The following CDKN2B variants were observed in gnomAD, a reference collection of about 807,000 sequenced individuals.
CDKN2B encodes the protein cyclin-dependent kinase 4 inhibitor B.
Under a neutral mutation model 7.7 loss-of-function variants are expected in CDKN2B, and 8 were observed. The observed-to-expected ratio is 1.04, with a 90% CI of 0.61 to 1.87. The LOEUF (loss-of-function observed/expected upper bound fraction) is 1.87. Among genes scored for constraint, CDKN2B ranks in the 40% most tolerant of loss-of-function variants. The probability of loss-of-function intolerance (pLI) is 0.00; values close to 1 mark genes in which losing one functional copy is unlikely to be tolerated. For synonymous variants in CDKN2B, 93 were observed against 95.8 expected, an observed-to-expected ratio of 0.97 and a Z score of 0.17; for missense variants, 244 against 213.1, an observed-to-expected ratio of 1.15 and a Z score of -0.90.
In CDKN2B at chr9:22,003,566, C is replaced by G. The variant is rs1587375317; in HGVS notation, c.*2421G>C. 1 of 229,162 alleles carries G rather than the reference C, an allele frequency of 4.4e-6. No individual in the cohort carries two copies. The highest frequency in any genetic ancestry group is 6.3e-5 in the East Asian group (1 of 15,852). The allele number at this position is 229,162 out of a possible 1,614,324, so 14.2% of individuals were successfully genotyped here. On this transcript the variant is annotated 3_prime_UTR_variant, in exon 2 of 2. Transcript: ENST00000276925. ...GAGATTTTAAAGTATCAACTGACTT[C>G]TTTTATATAGAATGTTTTCTAATAA...
rs564227803 is a variant in CDKN2B at position 22,002,987 on chromosome 9, A to G, written c.*3000T>C. 2.2e-4 allele frequency: 45 copies of G among 200,650 alleles called. No individual in the cohort carries two copies. The highest frequency in any genetic ancestry group is 6.6e-4 in the Admixed American group (11 of 16,636). 12.4% of individuals were successfully genotyped at this position (200,650 alleles called of 1,614,324 possible). A position where few individuals can be genotyped will look rare whatever the true frequency, so the allele number is the denominator to read the frequency against. On this transcript the variant is annotated 3_prime_UTR_variant, in exon 2 of 2. Coordinates refer to ENST00000276925, the MANE Select transcript of CDKN2B (RefSeq NM_004936.4). ...AGTAGAATTTGTACAAACCTTGGTA[A>G]TGTCTTAGGTTTAGATACGAACTTA...
intron 1 of CDKN2B, 169 bp downstream of exon 1, chr9:22,008,629 A>G (rs1379301504): frequency 6.3e-7 from 1 of 1,581,326 alleles, no homozygotes; most frequent in Admixed American, 1.7e-5. Context: ...GTCTCTCTTT[A>G]GGATTTTTGC....
Position 22,004,679 on chromosome 9 carries a change from G to A in CDKN2B, c.*1308C>T. The A allele has an allele frequency of 4.3e-6, 1 of 232,820 alleles. No homozygotes were observed. The allele number at this position is 232,820 out of a possible 1,614,324, so 14.4% of individuals were successfully genotyped here. On this transcript the variant is annotated 3_prime_UTR_variant, in exon 2 of 2. Coordinates refer to ENST00000276925, the MANE Select transcript of CDKN2B (RefSeq NM_004936.4). Reference sequence around the variant, plus strand: ...AAGCAGTGCACCTTTAGTTTGTTCAGTGATAGTAGGACATCCCACGAGCCA... The same window carrying A: ...AAGCAGTGCACCTTTAGTTTGTTCAATGATAGTAGGACATCCCACGAGCCA...
chr9:22,006,081 A>G lies in CDKN2B; in HGVS notation c.323T>C (p.Val108Ala). 8 of 1,607,384 alleles carry G rather than the reference A, an allele frequency of 5.0e-6. No homozygotes were observed. The highest frequency in any genetic ancestry group is 6.8e-6 in the Non-Finnish European group (8 of 1,179,672). Residue 108 changes from valine (V) to alanine (A), a missense_variant, in exon 2 of 2, where the codon GTG becomes GCG. Coordinates refer to ENST00000276925, the MANE Select transcript of CDKN2B (RefSeq NM_004936.4). This position sits in a 1 kb window ranked among gnomAD's most constrained non-coding sequence, Gnocchi z 6.4. ...VLHRAGARLD[V>A]RDAWGRLPVD... ...GGGCAGACGACCCCAGGCATCGCGC[A>G]CGTCCAGCCGCGCCCCGGCCCGGTG...
chr9:22,009,151 C>T lies in CDKN2B; in HGVS notation c.-198G>A, dbSNP rs1821358923. Reference sequence around the variant, plus strand: ...TGGCCGAGCGGCCGGTCGTTAGCTCCGGGCTTTTCCTGGCGCTCAAGAACC... The same window carrying T: ...TGGCCGAGCGGCCGGTCGTTAGCTCTGGGCTTTTCCTGGCGCTCAAGAACC... On this transcript the variant is annotated 5_prime_UTR_variant, in exon 1 of 2. Coordinates refer to ENST00000276925, the MANE Select transcript of CDKN2B (RefSeq NM_004936.4). 5 of 708,726 alleles carry T rather than the reference C, an allele frequency of 7.1e-6. No individual in the cohort carries two copies. Among genetic ancestry groups the T allele is most frequent in the Admixed American group, 2.8e-5 (1 of 35,614 alleles). The allele number at this position is 708,726 out of a possible 1,614,324, so 43.9% of individuals were successfully genotyped here.
intron 1 of CDKN2B, chr9:22,008,542 T>C (rs900507742): frequency 6.4e-5 from 57 of 889,838 alleles, no homozygotes; most frequent in Non-Finnish European, 1.3e-5. Flanking sequence ...CCCAATTCAG[T>C]CTATTCCTTG....
rs3217981 is a variant in CDKN2B, at chr9:22,006,270, C to T, written c.157-23G>A. ...GACCTGCCAGAGAGAGCAGAGTGGT[C>T]AGAGCCAGGGTGGGGGCAGGTATGG... is the stretch of plus-strand genomic sequence containing the variant. On this transcript the variant is annotated intron_variant, in intron 1 of 1. Coordinates refer to ENST00000276925, the MANE Select transcript of CDKN2B (RefSeq NM_004936.4). This position sits in a 1 kb window ranked among gnomAD's most constrained non-coding sequence, Gnocchi z 6.4. 217 of 1,601,358 alleles carry T rather than the reference C, an allele frequency of 1.4e-4. 4 individuals carry two copies. In the East Asian group the frequency reaches 4.8e-3, roughly 36 times the overall value.
In CDKN2B at chr9:22,004,058, C is replaced by T. The variant is rs1049616485; in HGVS notation, c.*1929G>A. On this transcript the variant is annotated 3_prime_UTR_variant, in exon 2 of 2. Coordinates refer to ENST00000276925, the MANE Select transcript of CDKN2B (RefSeq NM_004936.4). ...CAAGTTACTTGATATTTCTTTGCCT[C>T]ATTGTCCTCATCTGGGAAACAATAC... 4 of 232,456 alleles carry T rather than the reference C, an allele frequency of 1.7e-5. No individual in the cohort carries two copies. The highest frequency in any genetic ancestry group is 3.4e-5 in the Non-Finnish European group (4 of 117,678). 14.4% of individuals were successfully genotyped at this position (232,456 alleles called of 1,614,324 possible).
rs908758651 is a variant in CDKN2B at position 22,005,474 on chromosome 9, C to T, written c.*513G>A. The T allele has an allele frequency of 1.5e-5, 4 of 258,106 alleles. No homozygotes were observed. The highest frequency in any genetic ancestry group is 8.8e-5 in the African/African-American group (4 of 45,616). The allele number at this position is 258,106 out of a possible 1,614,324, so 16.0% of individuals were successfully genotyped here. A position where few individuals can be genotyped will look rare whatever the true frequency, so the allele number is the denominator to read the frequency against. ...ACTGAAGCCCACCTCGGCCCTCCTC[C>T]ACTTTGTCCTCAGTCTTCAGGTTTT... On this transcript the variant is annotated 3_prime_UTR_variant, in exon 2 of 2. Coordinates refer to ENST00000276925, the MANE Select transcript of CDKN2B (RefSeq NM_004936.4). The surrounding 1 kb of genome is among the most constrained non-coding windows in gnomAD (Gnocchi z 4.9).
At chr9:22,007,845 T>G (rs1294250985) in intron 1 of CDKN2B, among the ~76,000 whole-genome samples, 1 of 152,202 alleles carries the variant, frequency 6.6e-6, no homozygotes, top group Non-Finnish European at 1.5e-5. Flanking sequence ...ACAATATTTT[T>G]GCTCCTTTAA....
intron 1 of CDKN2B, among the ~76,000 whole-genome samples, chr9:22,007,448 G>A (rs1267073231): frequency 6.6e-6 from 1 of 152,176 alleles, no homozygotes; most frequent in Non-Finnish European, 1.5e-5. Flanking sequence ...ATGATGTTTT[G>A]CAGGAGTAAT....
Position 22,008,862 on chromosome 9 carries a change from C to T in CDKN2B, c.92G>A (p.Arg31Gln), listed in dbSNP as rs1422056865. ...AAARGLVEKVRQLLEAGADPN... is the reference protein window; with the variant it reads ...AAARGLVEKVQQLLEAGADPN... ...ATCCGCGCCGGCTTCCAGGAGCTGT[C>T]GCACCTTCTCCACTAGTCCCCGCGC... Residue 31 changes from arginine (R) to glutamine (Q), a missense_variant, in exon 1 of 2, where the codon CGA (arginine) becomes CAA (glutamine). By Grantham distance (43) the Arg-to-Gln change is conservative. Coordinates refer to ENST00000276925, the MANE Select transcript of CDKN2B (RefSeq NM_004936.4). The T allele has an allele frequency of 1.9e-6, 3 of 1,611,676 alleles. No individual in the cohort carries two copies. Among genetic ancestry groups the T allele is most frequent in the South Asian group, 2.2e-5 (2 of 90,898 alleles).
In CDKN2B at chr9:22,003,309, A is replaced by G. The variant is rs1306199924; in HGVS notation, c.*2678T>C. Reference sequence around the variant, plus strand: ...AACTAACAAAACAAACAAAAAAAACAGTGTAATATAGTACTGTGGGATCCA... The same window carrying G: ...AACTAACAAAACAAACAAAAAAAACGGTGTAATATAGTACTGTGGGATCCA... On this transcript the variant is annotated 3_prime_UTR_variant, in exon 2 of 2. Coordinates refer to ENST00000276925, the MANE Select transcript of CDKN2B (RefSeq NM_004936.4). 9.1e-6 allele frequency: 2 copies of G among 220,362 alleles called. No homozygotes were observed. Among genetic ancestry groups the G allele is most frequent in the South Asian group, 3.7e-4 (2 of 5,376 alleles). 13.7% of individuals were successfully genotyped at this position (220,362 alleles called of 1,614,324 possible).
intron 1 of CDKN2B, among the ~76,000 whole-genome samples, chr9:22,007,561 GTTAT>G (rs1821254842): frequency 6.6e-6 from 1 of 151,988 alleles, no homozygotes; most frequent in South Asian, 2.1e-4. Context: ...CTAAAATCGA[GTTAT>G]TTGTTATGGG....
Position 22,006,382 on chromosome 9 carries a change from C to T in CDKN2B, c.157-135G>A, listed in dbSNP as rs922772940. 3.7e-5 allele frequency: 44 copies of T among 1,200,714 alleles called. No homozygotes were observed. In the South Asian group the frequency reaches 5.6e-4, roughly 15 times the overall value. The allele number at this position is 1,200,714 out of a possible 1,614,324, so 74.4% of individuals were successfully genotyped here. A position where few individuals can be genotyped will look rare whatever the true frequency, so the allele number is the denominator to read the frequency against. ...TCACCCAGTGCAGAGGTGTTCAGGT[C>T]TCTGATGTCTGGTGTTTCTTCATTT... On this transcript the variant is annotated intron_variant, in intron 1 of 1. Coordinates refer to ENST00000276925, the MANE Select transcript of CDKN2B (RefSeq NM_004936.4). This position sits in a 1 kb window ranked among gnomAD's most constrained non-coding sequence, Gnocchi z 6.4.
In CDKN2B at chr9:22,006,252, C is replaced by T. The variant is rs768407545; in HGVS notation, c.157-5G>A. On this transcript the variant is annotated splice_region_variant and splice_polypyrimidine_tract_variant and intron_variant, in intron 1 of 1. Coordinates refer to ENST00000276925, the MANE Select transcript of CDKN2B (RefSeq NM_004936.4). This position sits in a 1 kb window ranked among gnomAD's most constrained non-coding sequence, Gnocchi z 6.4. Reference sequence around the variant, plus strand: ...GGCGCTGCCCATCATCATGACCTGCCAGAGAGAGCAGAGTGGTCAGAGCCA... The same window carrying T: ...GGCGCTGCCCATCATCATGACCTGCTAGAGAGAGCAGAGTGGTCAGAGCCA... 1.9e-6 allele frequency: 3 copies of T among 1,603,402 alleles called. No individual in the cohort carries two copies. The highest frequency in any genetic ancestry group is 1.3e-5 in the African/African-American group (1 of 75,062).
chr9:22,007,533 T>A (rs1014062415), intron 1 of CDKN2B, among the ~76,000 whole-genome samples: 2 of 152,140 alleles, frequency 1.3e-5, no homozygotes, highest in Non-Finnish European at 2.9e-5. Flanking sequence ...TATAAGACAA[T>A]TTTTGGTAAC....
Position 22,005,760 on chromosome 9 carries a change from C to T in CDKN2B, c.*227G>A. 1.6e-6 allele frequency: 1 copy of T among 617,982 alleles called. No homozygotes were observed. The highest frequency in any genetic ancestry group is 2.8e-5 in the Admixed American group (1 of 35,356). The allele number at this position is 617,982 out of a possible 1,614,324, so 38.3% of individuals were successfully genotyped here. A position where few individuals can be genotyped will look rare whatever the true frequency, so the allele number is the denominator to read the frequency against. On this transcript the variant is annotated 3_prime_UTR_variant, in exon 2 of 2. Coordinates refer to ENST00000276925, the MANE Select transcript of CDKN2B (RefSeq NM_004936.4). The surrounding 1 kb of genome is among the most constrained non-coding windows in gnomAD (Gnocchi z 4.9). ...CCTAAATATCCCTGGAAATCCGCTT[C>T]TCTGTGTTTCGCTTCATGGTGAGTG...
Position 22,009,239 on chromosome 9 carries a change from G to T in CDKN2B, c.-286C>A. 1.8e-6 allele frequency: 1 copy of T among 559,252 alleles called. No individual in the cohort carries two copies. 34.6% of individuals were successfully genotyped at this position (559,252 alleles called of 1,614,324 possible). A position where few individuals can be genotyped will look rare whatever the true frequency, so the allele number is the denominator to read the frequency against. On this transcript the variant is annotated 5_prime_UTR_variant, in exon 1 of 2. Coordinates refer to ENST00000276925, the MANE Select transcript of CDKN2B (RefSeq NM_004936.4). ...TAGCGCGGACGCAGCCGAGCTCAAAGCCGCTCTGGCCGCAGGGTGCGGACG... is the reference window on the plus strand; with the variant it reads ...TAGCGCGGACGCAGCCGAGCTCAAATCCGCTCTGGCCGCAGGGTGCGGACG...
Sources: allele counts gnomAD v4.1 joint callset (sites outside exome capture counted in the v4.1 genomes callset), GRCh38; gene constraint gnomAD v4.1.1; non-coding constraint Gnocchi (gnomAD v3.1); transcripts MANE v1.5; gene names NCBI Gene and HGNC (gene_info 2026-07-23, HGNC 2026-07-21).